Variants in AFG2A observed in about 807,000 individuals in gnomAD.
AFG2A encodes ATPase family gene 2 protein homolog A.
the AFG2A span, among the ~76,000 whole-genome samples, chr4:123,241,079 C>T: frequency 6.6e-6 from 1 of 152,108 alleles, no homozygotes; most frequent in African/African-American, 2.4e-5. Flanking sequence ...CAAGACTAAA[C>T]CAGGAAGAAG....
the AFG2A span, among the ~76,000 whole-genome samples, chr4:123,015,899 G>T: frequency 1.9e-5 from 1 of 53,610 alleles, no homozygotes; most frequent in African/African-American, 4.3e-5. Context: ...GCGGCTGGCC[G>T]GGCAGAGGGG....
the AFG2A span, among the ~76,000 whole-genome samples, chr4:123,230,748 A>T: frequency 6.6e-6 from 1 of 151,992 alleles, no homozygotes; most frequent in Non-Finnish European, 1.5e-5. Flanking sequence ...TGTATTTCTT[A>T]ATAAGACTTG....
chr4:123,236,158 T>C, the AFG2A span, among the ~76,000 whole-genome samples: 1 of 152,164 alleles, frequency 6.6e-6, no homozygotes, highest in Non-Finnish European at 1.5e-5. Context: ...TTTTTACACG[T>C]AAAATTTAGC....
chr4:123,284,614 G>A, the AFG2A span, among the ~76,000 whole-genome samples: 3 of 152,140 alleles, frequency 2.0e-5, no homozygotes, highest in Non-Finnish European at 2.9e-5. Flanking sequence ...GAGAAGTTCC[G>A]AAGTTTTTGA....
the AFG2A span, among the ~76,000 whole-genome samples, chr4:122,950,211 C>T: frequency 3.3e-5 from 5 of 152,170 alleles, no homozygotes; most frequent in African/African-American, 1.2e-4. Flanking sequence ...TTCAACAGTC[C>T]ATTCAATTTG....
At chr4:123,258,078 A>T in the AFG2A span, among the ~76,000 whole-genome samples, 1 of 152,178 alleles carries the variant, frequency 6.6e-6, no homozygotes, top group African/African-American at 2.4e-5. Flanking sequence ...TCTTTCCTCA[A>T]ATTATATTGT....
the AFG2A span, among the ~76,000 whole-genome samples, chr4:123,100,646 A>G: frequency 6.6e-6 from 1 of 151,888 alleles, no homozygotes; most frequent in African/African-American, 2.4e-5. Context: ...AATGCATTCC[A>G]GGATTTTGTT....
chr4:122,985,169 A>C, the AFG2A span, among the ~76,000 whole-genome samples: 1 of 145,692 alleles, frequency 6.9e-6, no homozygotes, highest in East Asian at 2.0e-4. Flanking sequence ...CTTGTTGACC[A>C]GACTGGAGTG....
the AFG2A span, among the ~76,000 whole-genome samples, chr4:122,956,529 TAAGGAG>T: frequency 8.7e-4 from 4 of 4,596 alleles, no homozygotes; most frequent in African/African-American, 1.7e-3. Context: ...GTTGATAAAG[TAAGGAG>T]AGCATCAGTT....
At chr4:123,181,206 G>C in the AFG2A span, among the ~76,000 whole-genome samples, 3 of 151,904 alleles carry the variant, frequency 2.0e-5, no homozygotes, top group South Asian at 2.1e-4. Flanking sequence ...GGATGGTCTC[G>C]ATCTCCTGAC....
At chr4:123,066,546 A>G in the AFG2A span, among the ~76,000 whole-genome samples, 1 of 152,232 alleles carries the variant, frequency 6.6e-6, no homozygotes, top group Non-Finnish European at 1.5e-5. Flanking sequence ...CTGCTGTTTC[A>G]TATATTATCA....
the AFG2A span, among the ~76,000 whole-genome samples, chr4:123,264,844 G>A: frequency 2.0e-5 from 3 of 152,068 alleles, no homozygotes; most frequent in African/African-American, 4.8e-5. Flanking sequence ...CCTTTCAAGT[G>A]TTAAAAATCT....
chr4:123,082,565 T>C, the AFG2A span, among the ~76,000 whole-genome samples: 1 of 150,410 alleles, frequency 6.6e-6, no homozygotes. Flanking sequence ...TTTTGATTAC[T>C]GTCGCTTTAT....
At chr4:123,169,166 G>A in the AFG2A span, among the ~76,000 whole-genome samples, 10 of 152,186 alleles carry the variant, frequency 6.6e-5, no homozygotes, top group African/African-American at 2.4e-4. Context: ...AGATCTCTTA[G>A]TTCCTTGAAT....
the AFG2A span, among the ~76,000 whole-genome samples, chr4:123,174,445 C>T: frequency 1.3e-5 from 2 of 152,132 alleles, no homozygotes; most frequent in African/African-American, 4.8e-5. Flanking sequence ...TGGGGAGCCT[C>T]AGTTAACTGA....
the AFG2A span, among the ~76,000 whole-genome samples, chr4:123,216,773 GCCT>G: frequency 6.6e-6 from 1 of 151,316 alleles, no homozygotes; most frequent in Non-Finnish European, 1.5e-5. Flanking sequence ...TTTTGCCTCA[GCCT>G]TCTGAGTAGC....
chr4:123,185,153 G>A, the AFG2A span, among the ~76,000 whole-genome samples: 1 of 151,976 alleles, frequency 6.6e-6, no homozygotes, highest in Non-Finnish European at 1.5e-5. Context: ...AAAGTATTAA[G>A]TTCAGGTATC....
the AFG2A span, among the ~76,000 whole-genome samples, chr4:123,161,635 A>T: frequency 2.0e-5 from 3 of 152,214 alleles, no homozygotes; most frequent in African/African-American, 7.2e-5. Flanking sequence ...AAATCACATT[A>T]TGGAAAAGTT....
the AFG2A span, among the ~76,000 whole-genome samples, chr4:123,021,679 A>C: frequency 6.6e-6 from 1 of 152,224 alleles, no homozygotes; most frequent in Non-Finnish European, 1.5e-5. Flanking sequence ...CTGTCTTCAA[A>C]ATAAGTCAGA....
Sources: gnomAD v4.1 joint callset for allele counts (sites outside exome capture counted in the v4.1 genomes callset) on GRCh38, gnomAD v4.1.1 for gene constraint, MANE v1.5 for transcripts, NCBI Gene and HGNC (gene_info 2026-07-23, HGNC 2026-07-21) for gene names.